Variants in SLC5A5 observed in about 807,000 individuals in gnomAD.
SLC5A5 encodes the protein sodium/iodide cotransporter.
SLC5A5 carries 56 observed loss-of-function variants against 68.6 expected under a neutral mutation model. That is an observed-to-expected ratio of 0.82 (90% CI 0.66 to 1.02). The LOEUF (loss-of-function observed/expected upper bound fraction) is 1.02, where lower values mean the gene tolerates loss of function less well. Ranked by LOEUF, SLC5A5 falls within the 50% of genes least tolerant of loss-of-function variation. The probability of loss-of-function intolerance (pLI) is 0.00; values close to 1 mark genes in which losing one functional copy is unlikely to be tolerated. For missense variants in SLC5A5, 807 were observed against 859.8 expected, an observed-to-expected ratio of 0.94 and a Z score of 0.77; for synonymous variants, 398 against 373.0, an observed-to-expected ratio of 1.07 and a Z score of -0.77.
intron 12 of SLC5A5, among the ~76,000 whole-genome samples, chr19:17,887,424 A>C (rs1042140566): frequency 6.6e-6 from 1 of 151,838 alleles, no homozygotes; most frequent in Non-Finnish European, 1.5e-5. Context: ...CCTCGTGAGT[A>C]GCTGTGACTA....
At chr19:17,893,147 C>T (rs1217424916) in intron 14 of SLC5A5, among the ~76,000 whole-genome samples, 1 of 145,148 alleles carries the variant, frequency 6.9e-6, no homozygotes, top group African/African-American at 2.6e-5. Context: ...ATTGCCCAGG[C>T]TGGAGTGTAG....
intron 3 of SLC5A5, 22 bp from the exon 4 acceptor site, chr19:17,874,641 CA>C (rs1204085184): frequency 6.2e-6 from 10 of 1,613,502 alleles, no homozygotes; most frequent in Non-Finnish European, 6.8e-6. Context: ...AGGGGCCTAA[CA>C]GGGGGACCTC....
intron 10 of SLC5A5, 119 bp downstream of exon 10, chr19:17,882,338 GT>G (rs562649678): frequency 0.087 from 50,459 of 577,518 alleles, 4 homozygotes; most frequent in East Asian, 0.1. Context: ...TCACTTCTAT[GT>G]TTTTTTTTTT....
At position 17,880,935 on chromosome 19, in the gene SLC5A5, C is replaced by T. The variant is rs371442680; in HGVS notation, c.1040C>T (p.Ala347Val). The T allele has an allele frequency of 3.7e-6, 6 of 1,613,554 alleles. No homozygotes were observed. The highest frequency in any genetic ancestry group is 5.1e-6 in the Non-Finnish European group (6 of 1,179,676). Residue 347 changes from alanine (A) to valine (V), a missense_variant, in exon 8 of 15, where the codon GCT becomes GTT. Transcript: ENST00000222248. ...PGVPGLFLAC[A>V]YSGTLSTAST... The stretch of plus-strand genomic sequence containing the variant: ...GTCCCCGGGCTTTTCCTGGCCTGTG[C>T]TTACAGTGGCACCCTCAGGTGAGCA...
In SLC5A5 at chr19:17,894,069, C is replaced by T; in HGVS notation, c.*192C>T. The T allele has an allele frequency of 3.3e-6, 2 of 612,938 alleles. No homozygotes were observed. Among genetic ancestry groups the T allele is most frequent in the Non-Finnish European group, 5.8e-6 (2 of 346,094 alleles). The allele number at this position is 612,938 out of a possible 1,614,324, so 38.0% of individuals were successfully genotyped here. ...GTCATTTTTTAAATCCAGCCCCTTG[C>T]TTCAACCGTCCCCAGTATTAGACGC... On this transcript the variant is annotated 3_prime_UTR_variant, in exon 15 of 15. Transcript: ENST00000222248.
rs776870236 is a variant in SLC5A5, at chr19:17,876,030, C to A, written c.622C>A (p.Arg208Ser). 1.9e-6 allele frequency: 3 copies of A among 1,614,014 alleles called. No homozygotes were observed. The highest frequency in any genetic ancestry group is 3.3e-5 in the Admixed American group (2 of 59,992). ...MLSGFWVVLA[R>S]GVMLVGGPRQ... ...AAGTGGCTTCTGGGTTGTCCTGGCA[C>A]GCGGTGTCATGCTTGTGGGCGGGCC... Residue 208 changes from arginine (R) to serine (S), a missense_variant, in exon 5 of 15, where the codon CGC becomes AGC. Transcript: ENST00000222248.
At chr19:17,873,087 T>A (rs2094298334) in intron 1 of SLC5A5, among the ~76,000 whole-genome samples, 1 of 152,196 alleles carries the variant, frequency 6.6e-6, no homozygotes, top group African/African-American at 2.4e-5. Context: ...GCAAGGGGCG[T>A]GCCTCTCTGT....
chr19:17,876,068 C>T lies in SLC5A5; in HGVS notation c.660C>T (p.Leu220=), dbSNP rs1162426831. 18 of 1,614,066 alleles carry T rather than the reference C, an allele frequency of 1.1e-5. No individual in the cohort carries two copies. Among genetic ancestry groups the T allele is most frequent in the Non-Finnish European group, 1.4e-5 (17 of 1,180,044 alleles). Residue 220 remains leucine (L), a synonymous_variant, in exon 5 of 15, where the codon CTC becomes CTT. Coordinates refer to ENST00000222248, the MANE Select transcript of SLC5A5 (RefSeq NM_000453.3). ...TTGTGGGCGGGCCCCGCCAGGTGCTCACGCTGGCCCAGAACCACTCCCGGA... is the reference window on the plus strand; with the variant it reads ...TTGTGGGCGGGCCCCGCCAGGTGCTTACGCTGGCCCAGAACCACTCCCGGA... ...VMLVGGPRQV[L]TLAQNHSRIN... is the part of the protein sequence containing the mutation.
chr19:17,890,659 G>A (rs2030130617), intron 13 of SLC5A5, among the ~76,000 whole-genome samples: 1 of 152,106 alleles, frequency 6.6e-6, no homozygotes, highest in African/African-American at 2.4e-5. Context: ...GACTCCCAAA[G>A]TGCAATTATG....
intron 5 of SLC5A5, among the ~76,000 whole-genome samples, chr19:17,876,709 A>T (rs561339876): frequency 6.6e-6 from 1 of 152,258 alleles, no homozygotes; most frequent in Admixed American, 6.5e-5. Context: ...TAAAAATACA[A>T]AAATTAGCTG....
Position 17,872,451 on chromosome 19 carries a change from T to C in SLC5A5, c.132T>C (p.Ala44=). The C allele has an allele frequency of 6.2e-7, 1 of 1,610,784 alleles. No homozygotes were observed. The highest frequency in any genetic ancestry group is 1.1e-5 in the South Asian group (1 of 90,802). The stretch of plus-strand genomic sequence containing the variant: ...TGGCTCGGGGCGGGCAGCGCAGCGC[T>C]GAGGACTTCTTCACCGGGGGCCGGC... ...VGLARGGQRS[A]EDFFTGGRRL... Residue 44 remains alanine (A), a synonymous_variant, in exon 1 of 15, where the codon GCT becomes GCC. Coordinates refer to ENST00000222248, the MANE Select transcript of SLC5A5 (RefSeq NM_000453.3).
At chr19:17,885,345 T>A (rs535555411) in intron 12 of SLC5A5, among the ~76,000 whole-genome samples, 23 of 151,872 alleles carry the variant, frequency 1.5e-4, no homozygotes, top group Admixed American at 6.6e-4. Flanking sequence ...ATTTATTTAT[T>A]TATTTTGGTT....
intron 10 of SLC5A5, among the ~76,000 whole-genome samples, chr19:17,882,517 CTT>C (rs745349830): frequency 1.3e-4 from 17 of 128,094 alleles, no homozygotes; most frequent in Admixed American, 3.2e-4. Flanking sequence ...TTTCTTTTTT[CTT>C]TTTTTTTTTT....
rs752958794 is a variant in SLC5A5 at position 17,880,852 on chromosome 19, C to T, written c.970-13C>T. Reference sequence around the variant, plus strand: ...TGCAGCTGTCTGGGAGGCTGACCCCCAGTTCTCCCCAGTACATGCCTCTGC... The same window carrying T: ...TGCAGCTGTCTGGGAGGCTGACCCCTAGTTCTCCCCAGTACATGCCTCTGC... On this transcript the variant is annotated splice_polypyrimidine_tract_variant and intron_variant, in intron 7 of 14. Transcript: ENST00000222248. 5 of 1,606,738 alleles carry T rather than the reference C, an allele frequency of 3.1e-6. No individual in the cohort carries two copies. In the Admixed American group the frequency reaches 5.0e-5, roughly 16 times the overall value.
chr19:17,874,097 G>A (rs747589353), intron 1 of SLC5A5, 41 bp from the exon 2 acceptor site: 8 of 1,487,278 alleles, frequency 5.4e-6, no homozygotes, highest in Non-Finnish European at 7.5e-6. Context: ...CTCGGCTCCT[G>A]GGTAAGGACT....
rs367685921 is a variant in SLC5A5, at chr19:17,888,320, C to T, written c.1527-11C>T. On this transcript the variant is annotated splice_polypyrimidine_tract_variant and intron_variant, in intron 12 of 14. Coordinates refer to ENST00000222248, the MANE Select transcript of SLC5A5 (RefSeq NM_000453.3). ...AAGAGGAGGTTCAAGTCTGTCTCTC[C>T]CAACCTGCAGCTCAGGAATGGACGC... The T allele has an allele frequency of 1.5e-5, 24 of 1,613,474 alleles. No individual in the cohort carries two copies. Among genetic ancestry groups the T allele is most frequent in the Non-Finnish European group, 1.9e-5 (23 of 1,179,914 alleles).
Position 17,888,465 on chromosome 19 carries a change from CAG to C in SLC5A5, c.1651+13_1651+14del. ...ATCAGCTGCCTGACAGGTAGGTAAA[CAG>C]AGCATGTGGCCTCAGAGGTCATCCC... On this transcript the variant is annotated intron_variant, in intron 13 of 14. Transcript: ENST00000222248. 6.2e-7 allele frequency: 1 copy of C among 1,613,522 alleles called. No homozygotes were observed. Among genetic ancestry groups the C allele is most frequent in the Non-Finnish European group, 8.5e-7 (1 of 1,179,928 alleles).
At chr19:17,880,540 T>A (rs954371329) in intron 7 of SLC5A5, among the ~76,000 whole-genome samples, 2 of 151,994 alleles carry the variant, frequency 1.3e-5, no homozygotes, top group Non-Finnish European at 2.9e-5. Context: ...CACAAAAATT[T>A]AAAAAAATTA....
chr19:17,885,460 C>G (rs747838900), intron 12 of SLC5A5, among the ~76,000 whole-genome samples: 1 of 150,678 alleles, frequency 6.6e-6, no homozygotes, highest in Non-Finnish European at 1.5e-5. Flanking sequence ...GCTCACTGCA[C>G]CATTGACCTC....
Sources: allele counts gnomAD v4.1 joint callset (sites outside exome capture counted in the v4.1 genomes callset), GRCh38; gene constraint gnomAD v4.1.1; transcripts MANE v1.5; gene names NCBI Gene and HGNC (gene_info 2026-07-23, HGNC 2026-07-21).